Variants in TSPAN9 observed in about 807,000 individuals in gnomAD.
The protein encoded by TSPAN9 is tetraspanin 9, also known as tetraspanin-9.
Under a neutral mutation model 31.0 loss-of-function variants are expected in TSPAN9, and 16 were observed. The ratio of observed to expected loss-of-function variants is 0.52; its 90% CI spans 0.35 to 0.78. The LOEUF (loss-of-function observed/expected upper bound fraction) is 0.78. Ranked by LOEUF, TSPAN9 falls within the 30% of genes least tolerant of loss-of-function variation. The pLI, the probability that TSPAN9 is intolerant of heterozygous loss-of-function variation, is 0.01. For missense variants in TSPAN9, 272 were observed against 312.5 expected, an observed-to-expected ratio of 0.87 and a Z score of 0.98; for synonymous variants, 145 against 121.6, an observed-to-expected ratio of 1.19 and a Z score of -1.27.
chr12:3,169,321 A>G (rs1211191147), intron 2 of TSPAN9, among the ~76,000 whole-genome samples: 7 of 152,254 alleles, frequency 4.6e-5, no homozygotes, highest in African/African-American at 2.4e-5. Flanking sequence ...CCCCTGCTTT[A>G]GAAGTCAGGG....
At chr12:3,265,590 G>A (rs1466658420) in intron 3 of TSPAN9, among the ~76,000 whole-genome samples, 2 of 152,106 alleles carry the variant, frequency 1.3e-5, no homozygotes, top group African/African-American at 2.4e-5. Flanking sequence ...GCAGGTAGTC[G>A]CCCTCGGCTG....
chr12:3,282,457 C>T (rs965800762), intron 8 of TSPAN9, among the ~76,000 whole-genome samples: 8 of 152,118 alleles, frequency 5.3e-5, no homozygotes, highest in Non-Finnish European at 1.2e-4. Flanking sequence ...GCGGTGGCGC[C>T]GTCATAGCTC....
intron 2 of TSPAN9, among the ~76,000 whole-genome samples, chr12:3,100,461 C>T (rs1336373005): frequency 1.3e-5 from 2 of 152,210 alleles, no homozygotes; most frequent in African/African-American, 4.8e-5. Flanking sequence ...AAGCTGCCTC[C>T]AGGAAGTAAG....
intron 3 of TSPAN9, among the ~76,000 whole-genome samples, chr12:3,261,904 G>A (rs1430917469): frequency 2.0e-5 from 3 of 152,310 alleles, no homozygotes; most frequent in African/African-American, 7.2e-5. Flanking sequence ...TGGCCTGGGT[G>A]GCACTGGCTA....
At chr12:3,203,823 G>A (rs373673422) in intron 3 of TSPAN9, among the ~76,000 whole-genome samples, 1 of 152,342 alleles carries the variant, frequency 6.6e-6, no homozygotes, top group East Asian at 1.9e-4. Flanking sequence ...ATCGGGAGGT[G>A]GAGGAGCAGG....
intron 2 of TSPAN9, chr12:3,084,263 G>C (rs937144980): frequency 2.0e-5 from 3 of 152,474 alleles, no homozygotes; most frequent in Non-Finnish European, 4.4e-5. Context: ...CGAGGCCTCC[G>C]CTGTGCCAGA....
intron 1 of TSPAN9, among the ~76,000 whole-genome samples, chr12:3,081,844 G>GTGTATATATATATATATA (rs57812985): frequency 0.068 from 7,943 of 116,534 alleles, 653 homozygotes; most frequent in African/African-American, 0.16. Context: ...GTCTGTGTGT[G>GTGTATATATATATATATA]TATATATATG....
intron 3 of TSPAN9, among the ~76,000 whole-genome samples, chr12:3,235,240 A>ATG (rs2098393108): frequency 1.5e-4 from 5 of 32,642 alleles, no homozygotes; most frequent in South Asian, 1.0e-3. Flanking sequence ...ATATATATAT[A>ATG]TATATATATA....
At chr12:3,178,291 C>CTT (rs112883143) in intron 2 of TSPAN9, among the ~76,000 whole-genome samples, 2 of 144,094 alleles carry the variant, frequency 1.4e-5, no homozygotes, top group African/African-American at 2.5e-5. Flanking sequence ...GTTTCTTTTT[C>CTT]TTTTTTTTTT....
chr12:3,260,740 C>T (rs1001476597), intron 3 of TSPAN9, among the ~76,000 whole-genome samples: 24 of 152,060 alleles, frequency 1.6e-4, no homozygotes, highest in African/African-American at 3.9e-4. Context: ...GCAGGGAGGG[C>T]GCAGGCCATG....
chr12:3,153,708 C>G (rs61917860), intron 2 of TSPAN9, among the ~76,000 whole-genome samples: 2 of 151,486 alleles, frequency 1.3e-5, no homozygotes, highest in Admixed American at 6.6e-5. Context: ...GCGTGTGTGT[C>G]TGTGGATGTA....
intron 2 of TSPAN9, among the ~76,000 whole-genome samples, chr12:3,089,187 G>A (rs1338896524): frequency 4.7e-5 from 7 of 149,540 alleles, no homozygotes; most frequent in African/African-American, 9.8e-5. Context: ...AGCTGAGATC[G>A]CGCCACTGCA....
intron 3 of TSPAN9, among the ~76,000 whole-genome samples, chr12:3,223,775 G>A (rs1050415866): frequency 4.6e-5 from 7 of 152,222 alleles, no homozygotes; most frequent in African/African-American, 9.6e-5. Flanking sequence ...GAATTCAGCC[G>A]TGGCGGCGGC....
At chr12:3,122,046 G>A (rs1453438215) in intron 2 of TSPAN9, among the ~76,000 whole-genome samples, 2 of 152,064 alleles carry the variant, frequency 1.3e-5, no homozygotes, top group Non-Finnish European at 2.9e-5. Context: ...CTTAAAAAGA[G>A]ATAGAGTTGG....
Position 3,085,056 on chromosome 12 carries a change from G to A in TSPAN9, c.-18+1337G>A, listed in dbSNP as rs189507832. Among the ~76,000 whole-genome samples, 58 of 152,316 alleles carry A rather than the reference G, an allele frequency of 3.8e-4. 1 individual carries two copies. The South Asian group carries it at 7.0e-3, about 18-fold the overall frequency. On this transcript the variant is annotated intron_variant, in intron 2 of 8. Coordinates refer to ENST00000011898, the MANE Select transcript of TSPAN9 (RefSeq NM_006675.5). ...TGGTGCAGTGCCGCTAGGCACATGG[G>A]CTTGGGTGGAGGAAAATCAGTCTGG...
At chr12:3,157,248 C>G (rs747520684) in intron 2 of TSPAN9, among the ~76,000 whole-genome samples, 1 of 152,006 alleles carries the variant, frequency 6.6e-6, no homozygotes, top group Admixed American at 6.5e-5. Context: ...TACGGGTGCC[C>G]GCCACCATGC....
rs1253000407 is a variant in TSPAN9 at position 3,077,412 on chromosome 12, G to C, written c.-126G>C. 2.0e-5 allele frequency: 3 copies of C among 151,134 alleles called. No individual in the cohort carries two copies. The highest frequency in any genetic ancestry group is 2.9e-5 in the Non-Finnish European group (2 of 67,874). The allele number at this position is 151,134 out of a possible 1,614,324, so 9.4% of individuals were successfully genotyped here. A position where few individuals can be genotyped will look rare whatever the true frequency, so the allele number is the denominator to read the frequency against. On this transcript the variant is annotated 5_prime_UTR_variant, in exon 1 of 9. Coordinates refer to ENST00000011898, the MANE Select transcript of TSPAN9 (RefSeq NM_006675.5). ...TGGCGGCGGCGGCGGCGGCGGTGCCGGAGCGCGAGCAGAGCGGAGACCCCC... is the reference window on the plus strand; with the variant it reads ...TGGCGGCGGCGGCGGCGGCGGTGCCCGAGCGCGAGCAGAGCGGAGACCCCC...
intron 2 of TSPAN9, among the ~76,000 whole-genome samples, chr12:3,121,021 T>A (rs1271877841): frequency 6.6e-6 from 1 of 150,712 alleles, no homozygotes; most frequent in East Asian, 2.0e-4. Context: ...CTTTGCAGGT[T>A]GTGGCTCAGT....
chr12:3,153,397 G>A (rs1028605615), intron 2 of TSPAN9, among the ~76,000 whole-genome samples: 3 of 152,106 alleles, frequency 2.0e-5, no homozygotes, highest in Non-Finnish European at 4.4e-5. Context: ...GTATTTGCTT[G>A]CAAACATAAT....
Sources: allele counts gnomAD v4.1 joint callset (sites outside exome capture counted in the v4.1 genomes callset), GRCh38; gene constraint gnomAD v4.1.1; transcripts MANE v1.5; gene names NCBI Gene and HGNC (gene_info 2026-07-23, HGNC 2026-07-21).